Variants in CRPPA observed in about 807,000 individuals in gnomAD.
The protein encoded by CRPPA is CDP-L-ribitol pyrophosphorylase A.
CRPPA carries 43 observed loss-of-function variants against 52.0 expected under a neutral mutation model. The ratio of observed to expected loss-of-function variants is 0.83; its 90% CI spans 0.65 to 1.07. CRPPA has a LOEUF of 1.07. Ranked by LOEUF, CRPPA falls within the 50% of genes least tolerant of loss-of-function variation. The probability of loss-of-function intolerance (pLI) is 0.00; values close to 1 mark genes in which losing one functional copy is unlikely to be tolerated. For missense variants in CRPPA, 629 were observed against 551.7 expected, an observed-to-expected ratio of 1.14 and a Z score of -1.40; for synonymous variants, 250 against 203.5, an observed-to-expected ratio of 1.23 and a Z score of -1.94.
intron 9 of CRPPA, among the ~76,000 whole-genome samples, chr7:16,207,017 T>G (rs879807949): frequency 2.0e-5 from 3 of 152,158 alleles, no homozygotes; most frequent in Non-Finnish European, 4.4e-5. Flanking sequence ...TGCCAAACAT[T>G]ACACACCTTT....
chr7:16,249,152 CGCCTCTCTAGATTCT>C (rs1472892952), intron 8 of CRPPA, among the ~76,000 whole-genome samples: 1 of 152,066 alleles, frequency 6.6e-6, no homozygotes, highest in Non-Finnish European at 1.5e-5. Context: ...TGAGGCTGAC[CGCCTCTCTAGATTCT>C]GCCTCTCTAG....
intron 9 of CRPPA, among the ~76,000 whole-genome samples, chr7:16,192,528 G>C (rs977479013): frequency 3.9e-5 from 6 of 152,200 alleles, no homozygotes; most frequent in Middle Eastern, 3.4e-3. Flanking sequence ...TGATTAAAAT[G>C]TAGAACATTT....
At chr7:16,138,036 T>C (rs1388513587) in intron 9 of CRPPA, among the ~76,000 whole-genome samples, 8 of 152,156 alleles carry the variant, frequency 5.3e-5, no homozygotes, top group African/African-American at 1.9e-4. Flanking sequence ...AAGAAATAGA[T>C]AACATAAATA....
intron 3 of CRPPA, among the ~76,000 whole-genome samples, chr7:16,308,990 T>A (rs1859420): frequency 0.61 from 93,369 of 152,030 alleles, 28,977 homozygotes; most frequent in African/African-American, 0.67. Flanking sequence ...TTATCATATC[T>A]TAACTGTTGA....
intron 8 of CRPPA, among the ~76,000 whole-genome samples, chr7:16,255,885 A>G (rs1199825145): frequency 6.6e-6 from 1 of 152,186 alleles, no homozygotes; most frequent in Non-Finnish European, 1.5e-5. Flanking sequence ...AAAGATGGGC[A>G]AAGTCTTCAT....
At chr7:16,174,356 T>C (rs748244703) in intron 9 of CRPPA, among the ~76,000 whole-genome samples, 8 of 152,172 alleles carry the variant, frequency 5.3e-5, no homozygotes, top group Non-Finnish European at 8.8e-5. Context: ...GTGGACCAGA[T>C]GGTTTGTGTC....
At chr7:16,326,232 C>T (rs1162264006) in intron 3 of CRPPA, among the ~76,000 whole-genome samples, 1 of 152,226 alleles carries the variant, frequency 6.6e-6, no homozygotes, top group South Asian at 2.1e-4. Flanking sequence ...AGCATATTCT[C>T]TCCCAAAGGA....
At chr7:16,169,854 A>G (rs1182838916) in intron 9 of CRPPA, among the ~76,000 whole-genome samples, 2 of 152,224 alleles carry the variant, frequency 1.3e-5, no homozygotes. Flanking sequence ...AGATCCAGAA[A>G]ACAAGAAGCA....
At chr7:16,385,005 C>G (rs1356634937) in intron 2 of CRPPA, among the ~76,000 whole-genome samples, 1 of 152,020 alleles carries the variant, frequency 6.6e-6, no homozygotes, top group Non-Finnish European at 1.5e-5. Flanking sequence ...TACAGAAATT[C>G]TAGAATTGAA....
chr7:16,356,580 T>C (rs1370110060), intron 3 of CRPPA, among the ~76,000 whole-genome samples: 1 of 152,138 alleles, frequency 6.6e-6, no homozygotes, highest in African/African-American at 2.4e-5. Flanking sequence ...CTGCATAAAG[T>C]TCCCCAATTC....
chr7:16,397,095 G>A (rs965194986), intron 2 of CRPPA, among the ~76,000 whole-genome samples: 4 of 152,242 alleles, frequency 2.6e-5, no homozygotes, highest in South Asian at 2.1e-4. Context: ...GAAGACACAC[G>A]TGTGAAATAA....
At chr7:16,186,998 G>A (rs1781517486) in intron 9 of CRPPA, among the ~76,000 whole-genome samples, 1 of 152,124 alleles carries the variant, frequency 6.6e-6, no homozygotes, top group African/African-American at 2.4e-5. Context: ...GTGCAAAGAT[G>A]AAAATTAAGT....
chr7:16,397,813 T>C (rs552732132), intron 2 of CRPPA, among the ~76,000 whole-genome samples: 1 of 152,226 alleles, frequency 6.6e-6, no homozygotes, highest in East Asian at 1.9e-4. Flanking sequence ...GTGTTTAACA[T>C]GTGACTGACG....
Position 16,216,853 on chromosome 7 carries a change from G to C in CRPPA, c.1120-656C>G, listed in dbSNP as rs547418386. Among the ~76,000 whole-genome samples, 13 of 152,232 alleles carry C rather than the reference G, an allele frequency of 8.5e-5. No individual in the cohort carries two copies. The South Asian group carries it at 1.0e-3, about 12-fold the overall frequency. ...TGAGATCAAACTGCAAGGCGGCAGC[G>C]AGGCCGGGGGAGGGGCGCCCGCCAT... On this transcript the variant is annotated intron_variant, in intron 8 of 9. Transcript: ENST00000407010.
intron 3 of CRPPA, among the ~76,000 whole-genome samples, chr7:16,348,183 T>A (rs1786063201): frequency 6.6e-6 from 1 of 152,194 alleles, no homozygotes; most frequent in Non-Finnish European, 1.5e-5. Flanking sequence ...TCACTCCAGC[T>A]ATTAACTCCA....
rs1583566431 is a variant in CRPPA at position 16,384,969 on chromosome 7, A to C, written c.535-8728T>G. Among the ~76,000 whole-genome samples the C allele has an allele frequency of 2.0e-5, 3 of 152,360 alleles. No homozygotes were observed. The South Asian group carries it at 6.2e-4, about 32-fold the overall frequency. On this transcript the variant is annotated intron_variant, in intron 2 of 9. Coordinates refer to ENST00000407010, the MANE Select transcript of CRPPA (RefSeq NM_001101426.4). ...AAGCAGTAAGGCAAGGTATGACAATATCACTAATGTTAAGCAGTTTAAAAA... is the reference window on the plus strand; with the variant it reads ...AAGCAGTAAGGCAAGGTATGACAATCTCACTAATGTTAAGCAGTTTAAAAA...
chr7:16,142,452 T>C (rs1782891896), intron 9 of CRPPA, among the ~76,000 whole-genome samples: 1 of 152,244 alleles, frequency 6.6e-6, no homozygotes, highest in African/African-American at 2.4e-5. Context: ...AAAGAGATTG[T>C]GCAGGAAGAG....
At chr7:16,124,111 T>TA (rs1294692471) in intron 9 of CRPPA, among the ~76,000 whole-genome samples, 1 of 146,134 alleles carries the variant, frequency 6.8e-6, no homozygotes, top group African/African-American at 2.7e-5. Flanking sequence ...TTCTTTCTTT[T>TA]TTTATTTTTT....
chr7:16,347,874 C>T (rs991363053), intron 3 of CRPPA, among the ~76,000 whole-genome samples: 2 of 152,012 alleles, frequency 1.3e-5, no homozygotes, highest in Non-Finnish European at 2.9e-5. Flanking sequence ...TCTTAATTCA[C>T]CAATGCAGGG....
Sources: gnomAD v4.1 joint callset for allele counts (sites outside exome capture counted in the v4.1 genomes callset) on GRCh38, gnomAD v4.1.1 for gene constraint, MANE v1.5 for transcripts, NCBI Gene and HGNC (gene_info 2026-07-23, HGNC 2026-07-21) for gene names.